Variants in CSMD1 observed in about 807,000 individuals in gnomAD.
CSMD1 encodes the protein CUB and Sushi multiple domains 1, also known as CUB and sushi domain-containing protein 1.
In CSMD1, 213 loss-of-function variants were observed where a neutral mutation model predicts 417.5. The observed-to-expected ratio is 0.51, with a 90% CI of 0.46 to 0.57. The LOEUF is 0.57. Ranked by LOEUF, CSMD1 falls within the 20% of genes least tolerant of loss-of-function variation. The pLI is 0.00. For missense variants in CSMD1, 6,923 were observed against 4,529.7 expected (o/e 1.53, Z -15.17); for synonymous variants, 2,862 against 1,736.8 (o/e 1.65, Z -16.11).
chr8:3,236,531 A>T (rs1373630618), intron 26 of CSMD1, among the ~76,000 whole-genome samples: 1 of 152,166 alleles, frequency 6.6e-6, no homozygotes, highest in African/African-American at 2.4e-5. Context: ...CTAGTTATGA[A>T]TGATGCAAAG....
intron 2 of CSMD1, among the ~76,000 whole-genome samples, chr8:4,491,455 G>C (rs1384305560): frequency 1.3e-5 from 2 of 152,050 alleles, no homozygotes; most frequent in South Asian, 2.1e-4. Context: ...CCTGTGAAAG[G>C]ATATGTTAAA....
chr8:3,788,718 C>G (rs541119337), intron 5 of CSMD1, among the ~76,000 whole-genome samples: 1 of 152,316 alleles, frequency 6.6e-6, no homozygotes, highest in South Asian at 2.1e-4. Flanking sequence ...AGTAGCCATT[C>G]AGAGATTAGA....
At chr8:3,919,915 ATTTC>A (rs952593548) in intron 5 of CSMD1, among the ~76,000 whole-genome samples, 1 of 151,960 alleles carries the variant, frequency 6.6e-6, no homozygotes, top group African/African-American at 2.4e-5. Context: ...TTTTTTGGGA[ATTTC>A]TTTATCAGAT....
chr8:4,325,657 C>G (rs947346941), intron 3 of CSMD1, among the ~76,000 whole-genome samples: 5 of 152,114 alleles, frequency 3.3e-5, no homozygotes, highest in African/African-American at 1.2e-4. Context: ...TACACAACAA[C>G]CATCATGCTC....
At chr8:4,189,095 C>T (rs1403936934) in intron 3 of CSMD1, among the ~76,000 whole-genome samples, 2 of 152,162 alleles carry the variant, frequency 1.3e-5, no homozygotes, top group South Asian at 2.1e-4. Context: ...AAATACATGA[C>T]ATTCACGTTT....
chr8:4,336,067 G>T (rs746073519), intron 3 of CSMD1, among the ~76,000 whole-genome samples: 15 of 152,078 alleles, frequency 9.9e-5, no homozygotes, highest in South Asian at 2.1e-4. Flanking sequence ...TAATGATTAA[G>T]TTCCACAAGA....
chr8:4,619,346 T>C (rs537751111), intron 2 of CSMD1, among the ~76,000 whole-genome samples: 1 of 152,178 alleles, frequency 6.6e-6, no homozygotes, highest in Non-Finnish European at 1.5e-5. Flanking sequence ...ACAAAGGGAA[T>C]GTCAATATTT....
intron 3 of CSMD1, among the ~76,000 whole-genome samples, chr8:4,158,991 C>A (rs972503057): frequency 6.6e-6 from 1 of 152,170 alleles, no homozygotes; most frequent in Non-Finnish European, 1.5e-5. Context: ...TCTCAGCTCA[C>A]CACAACCTTC....
intron 2 of CSMD1, among the ~76,000 whole-genome samples, chr8:4,500,875 T>G (rs954404085): frequency 2.0e-5 from 3 of 152,164 alleles, no homozygotes; most frequent in Admixed American, 2.0e-4. Flanking sequence ...CGTAACCTTA[T>G]TCCACGTTCT....
At chr8:3,677,954 G>C (rs1268420310) in intron 7 of CSMD1, among the ~76,000 whole-genome samples, 2 of 152,104 alleles carry the variant, frequency 1.3e-5, no homozygotes, top group African/African-American at 4.8e-5. Context: ...TGCACTTGAG[G>C]AGCAGAAACA....
chr8:3,067,595 G>GTA (rs1359671216), intron 49 of CSMD1, among the ~76,000 whole-genome samples: 1 of 149,746 alleles, frequency 6.7e-6, no homozygotes, highest in East Asian at 1.9e-4. Flanking sequence ...CCATATTAAT[G>GTA]TATAATATAT....
At chr8:4,641,010 A>T (rs992042942) in intron 1 of CSMD1, among the ~76,000 whole-genome samples, 1 of 151,734 alleles carries the variant, frequency 6.6e-6, no homozygotes, top group Non-Finnish European at 1.5e-5. Context: ...TCCTAGTGAT[A>T]CTGAAGTTTG....
At chr8:3,461,682 C>T (rs531739392) in intron 12 of CSMD1, among the ~76,000 whole-genome samples, 3 of 152,340 alleles carry the variant, frequency 2.0e-5, no homozygotes, top group South Asian at 2.1e-4. Flanking sequence ...GTAATGGAAG[C>T]AGCCATCATC....
At chr8:4,123,883 T>C (rs1203970278) in intron 3 of CSMD1, among the ~76,000 whole-genome samples, 2 of 152,208 alleles carry the variant, frequency 1.3e-5, no homozygotes, top group Admixed American at 1.3e-4. Context: ...CAGGGTTGTA[T>C]GTGATTCCTG....
In CSMD1 at chr8:3,291,034, AG is replaced by A. The variant is rs1247133326; in HGVS notation, c.3951-6689del. Among the ~76,000 whole-genome samples, 14 of 152,242 alleles carry A rather than the reference AG, an allele frequency of 9.2e-5. No individual in the cohort carries two copies. In the East Asian group the frequency reaches 1.4e-3, roughly 15 times the overall value. On this transcript the variant is annotated intron_variant, in intron 25 of 69. Transcript: ENST00000635120. ...AATTTTTTGAGAGTTTTTAGCATGA[AG>A]GGTTGTTGAATTTTGTCAAAGGCCT...
chr8:3,867,247 G>C (rs75565415), intron 5 of CSMD1, among the ~76,000 whole-genome samples: 2,562 of 152,250 alleles, frequency 0.017, 194 homozygotes, highest in Admixed American at 0.11. Flanking sequence ...TAGCTAGCTA[G>C]TGTAAGAAGC....
At chr8:3,301,826 TGAGAG>T (rs1804432167) in intron 25 of CSMD1, among the ~76,000 whole-genome samples, 1 of 152,232 alleles carries the variant, frequency 6.6e-6, no homozygotes, top group African/African-American at 2.4e-5. Flanking sequence ...GAAGGTCAGT[TGAGAG>T]AAGACTAAAG....
intron 51 of CSMD1, among the ~76,000 whole-genome samples, chr8:3,021,625 C>T (rs901769375): frequency 6.6e-6 from 1 of 152,206 alleles, no homozygotes; most frequent in East Asian, 1.9e-4. Context: ...TGACAGCATC[C>T]GGAAATCACC....
At chr8:4,557,066 G>C (rs1798127626) in intron 2 of CSMD1, among the ~76,000 whole-genome samples, 1 of 152,058 alleles carries the variant, frequency 6.6e-6, no homozygotes, top group South Asian at 2.1e-4. Context: ...ATCACTTATG[G>C]GTCATGAAAC....
Sources: allele counts gnomAD v4.1 joint callset (sites outside exome capture counted in the v4.1 genomes callset), GRCh38; gene constraint gnomAD v4.1.1; transcripts MANE v1.5; gene names NCBI Gene and HGNC (gene_info 2026-07-23, HGNC 2026-07-21).